UNC13A: variants seen among roughly 807,000 people sequenced by gnomAD.
The protein encoded by UNC13A is protein unc-13 homolog A.
A neutral mutation model predicts 219.7 loss-of-function variants in UNC13A; 61 were observed. The observed-to-expected ratio is 0.28, with a 90% confidence interval of 0.23 to 0.34. The LOEUF (loss-of-function observed/expected upper bound fraction) is 0.34, where lower values mean the gene tolerates loss of function less well. Ranked by LOEUF, UNC13A falls within the 10% of genes least tolerant of loss-of-function variation. UNC13A has a pLI of 1.00. For missense variants in UNC13A, 1,476 were observed against 2,270.3 expected (o/e 0.65, Z 7.11); for synonymous variants, 920 against 884.6 (o/e 1.04, Z -0.71).
Position 17,618,890 on chromosome 19 carries a change from T to C in UNC13A, c.4329+16A>G. ...GGGGGCAGTCCCTCACGCCATAATC[T>C]ATCCCCACTCCTCACCTTGAGTTTG... On this transcript the variant is annotated intron_variant, in intron 39 of 43. Transcript: ENST00000519716. 1 of 1,613,796 alleles carries C rather than the reference T, an allele frequency of 6.2e-7. No homozygotes were observed. Among genetic ancestry groups the C allele is most frequent in the South Asian group, 1.1e-5 (1 of 91,076 alleles).
intron 1 of UNC13A, among the ~76,000 whole-genome samples, chr19:17,686,903 C>A (rs2080123976): frequency 6.6e-6 from 1 of 152,004 alleles, no homozygotes; most frequent in Admixed American, 6.6e-5. Flanking sequence ...AGCAGGAGTT[C>A]AGCACACGCA....
At chr19:17,683,458 T>C (rs2080054962) in intron 1 of UNC13A, among the ~76,000 whole-genome samples, 1 of 151,658 alleles carries the variant, frequency 6.6e-6, no homozygotes, top group Non-Finnish European at 1.5e-5. Flanking sequence ...AGAGATGTAT[T>C]TGTATTTTTA....
intron 2 of UNC13A, 31 bp downstream of exon 2, chr19:17,675,981 A>G: frequency 6.4e-7 from 1 of 1,550,544 alleles, no homozygotes; most frequent in Non-Finnish European, 8.7e-7. Context: ...GACAGACAAC[A>G]CGGGACAGGA....
chr19:17,639,546 T>C (rs2076945321), intron 23 of UNC13A, 21 bp from the exon 24 acceptor site: 1 of 1,608,994 alleles, frequency 6.2e-7, no homozygotes, highest in Non-Finnish European at 8.5e-7. Flanking sequence ...CAGGAAGAGA[T>C]GTGGGGTTAT....
chr19:17,615,627 G>A (rs1231320345), intron 41 of UNC13A, among the ~76,000 whole-genome samples: 1 of 152,096 alleles, frequency 6.6e-6, no homozygotes, highest in Non-Finnish European at 1.5e-5. Context: ...AGGTTGCAGT[G>A]AGCTGAGATT....
rs73026374 is a variant in UNC13A at position 17,641,601 on chromosome 19, G to A, written c.2473-45C>T. 1.6e-4 allele frequency: 248 copies of A among 1,594,550 alleles called. 2 individuals are homozygous for A. In the South Asian group the frequency reaches 2.4e-3, roughly 15 times the overall value. On this transcript the variant is annotated intron_variant, in intron 20 of 43. Transcript: ENST00000519716. ...AGTGTCATGGAGAGTGCAAGGGGTC[G>A]CCGGGGGTCAGAGGTCCCAGGGTCT...
intron 43 of UNC13A, among the ~76,000 whole-genome samples, chr19:17,608,399 T>TATGATATATATTTATTATATATTATATA (rs1463944134): frequency 8.0e-6 from 1 of 125,136 alleles, no homozygotes. Context: ...TATATATTTA[T>TATGATATATATTTATTATATATTATATA]ATATAATATA....
chr19:17,653,532 A>G (rs1055003903), intron 11 of UNC13A, among the ~76,000 whole-genome samples: 1 of 151,946 alleles, frequency 6.6e-6, no homozygotes, highest in African/African-American at 2.4e-5. Context: ...TATTTTTAGT[A>G]GAGGTGGGGT....
chr19:17,679,530 G>A (rs1475965404), intron 1 of UNC13A, among the ~76,000 whole-genome samples: 1 of 151,726 alleles, frequency 6.6e-6, no homozygotes, highest in African/African-American at 2.4e-5. Flanking sequence ...GGATGCATAT[G>A]GGGGTGGGAA....
chr19:17,641,080 T>C (rs555164297), intron 21 of UNC13A, among the ~76,000 whole-genome samples: 1 of 152,154 alleles, frequency 6.6e-6, no homozygotes, highest in African/African-American at 2.4e-5. Context: ...GGTTTCACCA[T>C]GTTGGCCAGG....
chr19:17,646,013 T>C lies in UNC13A; in HGVS notation c.2143A>G (p.Ile715Val). ...CACACCGGGTTGAGGTTCCCATAGA[T>C]GGTTTTTGTCCGTTTCTTGGTCTTC... ...VGKTKKRTKT[I>V]YGNLNPVWEE... The change falls in exon 18 of 44, where the codon ATC (isoleucine) becomes GTC (valine). Residue 715 changes from isoleucine (I) to valine (V), a missense_variant. By Grantham distance (29) the Ile-to-Val change is conservative (BLOSUM62 3). Coordinates refer to ENST00000519716, the MANE Select transcript of UNC13A (RefSeq NM_001080421.3). The C allele has an allele frequency of 6.2e-7, 1 of 1,613,466 alleles. No individual in the cohort carries two copies. The highest frequency in any genetic ancestry group is 8.5e-7 in the Non-Finnish European group (1 of 1,179,636).
At chr19:17,617,570 A>C in intron 41 of UNC13A, 132 bp downstream of exon 41, 1 of 1,342,006 alleles carries the variant, frequency 7.5e-7, no homozygotes, top group Non-Finnish European at 1.0e-6. Context: ...TGGTCCCTGG[A>C]CTTGGTGCAG....
chr19:17,658,290 G>A lies in UNC13A; in HGVS notation c.560-21C>T, dbSNP rs2079495953. 1.9e-6 allele frequency: 3 copies of A among 1,600,166 alleles called. No homozygotes were observed. The African/African-American group carries it at 4.0e-5, about 21-fold the overall frequency. On this transcript the variant is annotated intron_variant, in intron 8 of 43. Transcript: ENST00000519716. ...ATCGTCTGGAAGAGAGAGGCGGTATGGGAAGAGGGTGAGGAAGAGAGAGTG... is the reference window on the plus strand; with the variant it reads ...ATCGTCTGGAAGAGAGAGGCGGTATAGGAAGAGGGTGAGGAAGAGAGAGTG...
chr19:17,685,552 G>A (rs1228874709), intron 1 of UNC13A, among the ~76,000 whole-genome samples: 1 of 152,168 alleles, frequency 6.6e-6, no homozygotes, highest in East Asian at 1.9e-4. Context: ...CATCAGACAC[G>A]TGGATACATC....
intron 36 of UNC13A, 135 bp downstream of exon 36, chr19:17,623,407 C>T (rs1394909983): frequency 5.8e-5 from 39 of 677,470 alleles, no homozygotes; most frequent in Admixed American, 1.1e-4. Context: ...GACACAGGCA[C>T]ATCTAGGCGG....
intron 8 of UNC13A, 26 bp downstream of exon 8, chr19:17,663,506 G>T (rs1425538598): frequency 6.2e-7 from 1 of 1,611,812 alleles, no homozygotes; most frequent in African/African-American, 1.3e-5. Context: ...GTAACTCCCA[G>T]AACATCAATC....
chr19:17,683,515 A>G (rs1031798343), intron 1 of UNC13A, among the ~76,000 whole-genome samples: 2 of 151,798 alleles, frequency 1.3e-5, no homozygotes, highest in African/African-American at 4.8e-5. Context: ...AAAACTAGCT[A>G]GGTGTGGTAG....
At chr19:17,632,670 A>C in intron 28 of UNC13A, 112 bp downstream of exon 28, 1 of 1,509,628 alleles carries the variant, frequency 6.6e-7, no homozygotes, top group Non-Finnish European at 9.0e-7. Flanking sequence ...AGCCCCACCC[A>C]TGCCCCTGAT....
chr19:17,640,481 A>G, intron 22 of UNC13A, 30 bp downstream of exon 22: 1 of 1,540,412 alleles, frequency 6.5e-7, no homozygotes, highest in Non-Finnish European at 8.8e-7. Context: ...GGCTCTCCCT[A>G]ATTCTCCAAT....
Sources: gnomAD v4.1 joint callset for allele counts (sites outside exome capture counted in the v4.1 genomes callset) on GRCh38, gnomAD v4.1.1 for gene constraint, MANE v1.5 for transcripts, NCBI Gene and HGNC (gene_info 2026-07-23, HGNC 2026-07-21) for gene names.